The following KIF20B variants were observed in gnomAD, a reference collection of about 807,000 sequenced individuals.
KIF20B encodes kinesin family member 20B.
In KIF20B, 188 loss-of-function variants were observed where a neutral mutation model predicts 232.5. The observed-to-expected ratio is 0.81, with a 90% CI of 0.72 to 0.91. The LOEUF is 0.91. KIF20B is among the 40% of genes least tolerant of loss of function. KIF20B has a pLI of 0.00. For synonymous variants in KIF20B, 712 were observed against 683.0 expected (o/e 1.04, Z -0.66); for missense variants, 2,154 against 2,055.9 (o/e 1.05, Z -0.92).
intron 26 of KIF20B, among the ~76,000 whole-genome samples, chr10:89,756,277 A>G (rs991517242): frequency 1.3e-5 from 2 of 152,368 alleles, no homozygotes; most frequent in African/African-American, 4.8e-5. Flanking sequence ...ACTAGCACAT[A>G]GAATTCCTGT....
chr10:89,723,013 G>C (rs2133104226), intron 13 of KIF20B, among the ~76,000 whole-genome samples: 1 of 152,164 alleles, frequency 6.6e-6, no homozygotes, highest in Non-Finnish European at 1.5e-5. Context: ...CTTTAACATT[G>C]GTTGAGTTGG....
chr10:89,719,302 G>T, intron 12 of KIF20B, 117 bp from the exon 13 acceptor site: 1 of 700,112 alleles, frequency 1.4e-6, no homozygotes, highest in Non-Finnish European at 2.3e-6. Flanking sequence ...ATGTTTGTTT[G>T]AATAGTTTTT....
In KIF20B at chr10:89,739,103, T is replaced by G. The variant is rs758480919; in HGVS notation, c.3915+7T>G. On this transcript the variant is annotated splice_region_variant and intron_variant, in intron 21 of 32. Coordinates refer to ENST00000371728, the MANE Select transcript of KIF20B (RefSeq NM_001284259.2). ...TAAGCAAGTACAGAAAGAGGTAGGT[T>G]ATTTGAAAAGTTATGTGGCCAGTTT... 6.8e-6 allele frequency: 11 copies of G among 1,609,678 alleles called. No homozygotes were observed. The South Asian group carries it at 1.2e-4, about 18-fold the overall frequency.
At chr10:89,704,819 A>G (rs1842689266) in intron 1 of KIF20B, among the ~76,000 whole-genome samples, 1 of 152,212 alleles carries the variant, frequency 6.6e-6, no homozygotes, top group South Asian at 2.1e-4. Flanking sequence ...GGCCTCCCAA[A>G]GTGCTGGGAT....
intron 18 of KIF20B, among the ~76,000 whole-genome samples, chr10:89,730,272 T>G (rs1199979835): frequency 6.6e-6 from 1 of 152,144 alleles, no homozygotes; most frequent in Non-Finnish European, 1.5e-5. Context: ...AATAAACTAT[T>G]TAGTAATAAT....
At chr10:89,751,254 T>C in intron 23 of KIF20B, 92 bp from the exon 24 acceptor site, 1 of 1,029,226 alleles carries the variant, frequency 9.7e-7, no homozygotes, top group Non-Finnish European at 1.4e-6. Context: ...CTATTACAGT[T>C]AATAAAAATG....
rs751523917 is a variant in KIF20B at position 89,715,233 on chromosome 10, C to A, written c.940+51C>A. 8.7e-6 allele frequency: 10 copies of A among 1,148,678 alleles called. No homozygotes were observed. In the South Asian group the frequency reaches 1.1e-4, roughly 13 times the overall value. The allele number at this position is 1,148,678 out of a possible 1,614,324, so 71.2% of individuals were successfully genotyped here. A position where few individuals can be genotyped will look rare whatever the true frequency, so the allele number is the denominator to read the frequency against. On this transcript the variant is annotated intron_variant, in intron 8 of 32. Transcript: ENST00000371728. ...ATTGCTCTGAAGTTCTCTTCCTGGG[C>A]TTTGTGATAGCTGTAAGACTAAAAC...
chr10:89,726,553 A>G (rs748393588), intron 16 of KIF20B, 32 bp downstream of exon 16: 1 of 1,479,316 alleles, frequency 6.8e-7, no homozygotes, highest in Non-Finnish European at 9.1e-7. Context: ...TTATTTAGAT[A>G]TTGTAAACAC....
At chr10:89,766,828 T>C (rs1265913705) in intron 29 of KIF20B, among the ~76,000 whole-genome samples, 1 of 152,008 alleles carries the variant, frequency 6.6e-6, no homozygotes, top group Admixed American at 6.6e-5. Context: ...TTTTATGGAG[T>C]CTTACTAGTT....
At position 89,726,504 on chromosome 10, in the gene KIF20B, TAAAA is replaced by T; in HGVS notation, c.2216_2219del (p.Lys739ArgfsTer9). On this transcript the variant is annotated frameshift_variant, in exon 16 of 33. Transcript: ENST00000371728. LOFTEE classifies it high-confidence loss of function. ...GAATTAATCAAAACCAAAGAAGAGT[TAAAA>T]AAGAGAGAAAATGGTAAGTGGATAC... 3 of 1,589,948 alleles carry T rather than the reference TAAAA, an allele frequency of 1.9e-6. No individual in the cohort carries two copies. Among genetic ancestry groups the T allele is most frequent in the Non-Finnish European group, 1.7e-6 (2 of 1,167,824 alleles).
chr10:89,737,334 T>C (rs1276316989), intron 19 of KIF20B, 53 bp from the exon 20 acceptor site: 2 of 1,408,956 alleles, frequency 1.4e-6, no homozygotes, highest in African/African-American at 1.5e-5. Context: ...TATGGTGACT[T>C]TTTGGTTTTA....
chr10:89,748,870 C>A (rs74403206), intron 23 of KIF20B, among the ~76,000 whole-genome samples: 4,568 of 152,000 alleles, frequency 0.03, 371 homozygotes, highest in East Asian at 0.27. Flanking sequence ...TGACTTCCAC[C>A]TTTTCTATGC....
intron 4 of KIF20B, 86 bp from the exon 5 acceptor site, chr10:89,709,841 T>G: frequency 9.3e-7 from 1 of 1,069,954 alleles, no homozygotes; most frequent in East Asian, 2.8e-5. Flanking sequence ...ATCTTTTAAA[T>G]TTTTAAACAG....
chr10:89,717,750 A>T (rs1307475101), intron 11 of KIF20B, 28 bp downstream of exon 11: 4 of 1,471,000 alleles, frequency 2.7e-6, no homozygotes, highest in Non-Finnish European at 3.7e-6. Context: ...TGTTATTAGC[A>T]TATTAAATAT....
At chr10:89,748,936 T>A (rs1271818820) in intron 23 of KIF20B, among the ~76,000 whole-genome samples, 1 of 152,242 alleles carries the variant, frequency 6.6e-6, no homozygotes, top group Non-Finnish European at 1.5e-5. Flanking sequence ...TTGCAATCCC[T>A]GCTTTTTATT....
chr10:89,751,218 GT>G, intron 23 of KIF20B, 127 bp from the exon 24 acceptor site: 3 of 694,098 alleles, frequency 4.3e-6, no homozygotes, highest in Non-Finnish European at 7.0e-6. Flanking sequence ...ATAAGACAAA[GT>G]TTCTGTCTAT....
intron 21 of KIF20B, among the ~76,000 whole-genome samples, chr10:89,740,302 T>C (rs984628610): frequency 5.9e-5 from 9 of 151,916 alleles, no homozygotes; most frequent in African/African-American, 2.2e-4. Context: ...ACTGGTTTAT[T>C]ATAAAGGATA....
chr10:89,720,729 A>C (rs1416755191), intron 13 of KIF20B, among the ~76,000 whole-genome samples: 15 of 152,006 alleles, frequency 9.9e-5, no homozygotes, highest in Admixed American at 9.8e-4. Context: ...TTTTTGAGAG[A>C]GGGTCTTGCC....
At chr10:89,724,670 T>C (rs1843141821) in intron 14 of KIF20B, among the ~76,000 whole-genome samples, 1 of 152,194 alleles carries the variant, frequency 6.6e-6, no homozygotes, top group African/African-American at 2.4e-5. Flanking sequence ...GGTGCGATCT[T>C]GGCTCACGGC....
Sources: gnomAD v4.1 joint callset for allele counts (sites outside exome capture counted in the v4.1 genomes callset) on GRCh38, gnomAD v4.1.1 for gene constraint, MANE v1.5 for transcripts, NCBI Gene and HGNC (gene_info 2026-07-23, HGNC 2026-07-21) for gene names.